Variants in VPS13A observed in about 807,000 individuals in gnomAD.
The protein encoded by VPS13A is vacuolar protein sorting 13 homolog A.
A neutral mutation model predicts 390.9 loss-of-function variants in VPS13A; 264 were observed. That is an observed-to-expected ratio of 0.68 (90% CI 0.61 to 0.75). The LOEUF (loss-of-function observed/expected upper bound fraction) is 0.75. Ranked by LOEUF, VPS13A falls within the 30% of genes least tolerant of loss-of-function variation. The pLI is 0.00. For missense variants in VPS13A, 3,409 were observed against 3,733.9 expected (o/e 0.91, Z 2.27); for synonymous variants, 1,231 against 1,227.1 (o/e 1.00, Z -0.07).
At chr9:77,392,758 T>C (rs1016153253) in intron 68 of VPS13A, among the ~76,000 whole-genome samples, 1 of 149,270 alleles carries the variant, frequency 6.7e-6, no homozygotes, top group African/African-American at 2.5e-5. Flanking sequence ...TATAAAACTA[T>C]ATATAACTAT....
intron 59 of VPS13A, among the ~76,000 whole-genome samples, chr9:77,361,873 G>GT (rs1187927608): frequency 1.3e-5 from 2 of 151,842 alleles, no homozygotes; most frequent in East Asian, 3.9e-4. Flanking sequence ...TGTCATTGTG[G>GT]TTTTGACATG....
intron 54 of VPS13A, 102 bp downstream of exon 54, chr9:77,353,743 T>C (rs1831606188): frequency 8.3e-7 from 1 of 1,200,494 alleles, no homozygotes; most frequent in Non-Finnish European, 1.2e-6. Context: ...GTTTTGTGCT[T>C]TGACTATTCA....
At chr9:77,351,633 G>A (rs1417919144) in intron 53 of VPS13A, among the ~76,000 whole-genome samples, 187 bp downstream of exon 53, 1 of 152,154 alleles carries the variant, frequency 6.6e-6, no homozygotes, top group African/African-American at 2.4e-5. Context: ...CACTTTGGGA[G>A]GCCAAGGCAG....
intron 1 of VPS13A, among the ~76,000 whole-genome samples, chr9:77,192,520 T>C (rs993109504): frequency 6.6e-6 from 1 of 152,228 alleles, no homozygotes; most frequent in African/African-American, 2.4e-5. Flanking sequence ...TAAGGACCTC[T>C]TAAAAGGCAA....
intron 3 of VPS13A, among the ~76,000 whole-genome samples, chr9:77,202,680 C>T (rs1564626721): frequency 6.6e-6 from 1 of 152,092 alleles, no homozygotes; most frequent in East Asian, 1.9e-4. Flanking sequence ...CAAGAACAGT[C>T]AAAAAATATA....
At chr9:77,386,637 G>A (rs1833695258) in intron 68 of VPS13A, among the ~76,000 whole-genome samples, 1 of 151,446 alleles carries the variant, frequency 6.6e-6, no homozygotes, top group African/African-American at 2.4e-5. Flanking sequence ...AACATTGCTT[G>A]TGTGGTCTTA....
intron 6 of VPS13A, 75 bp downstream of exon 6, chr9:77,209,607 T>C: frequency 1.1e-6 from 1 of 894,930 alleles, no homozygotes; most frequent in African/African-American, 1.7e-5. Flanking sequence ...ACACCTACTT[T>C]TTAATGGCCA....
rs564734609 is a variant in VPS13A, at chr9:77,329,150, A to G, written c.5992-2860A>G. Among the ~76,000 whole-genome samples, 8 of 152,330 alleles carry G rather than the reference A, an allele frequency of 5.3e-5. No individual in the cohort carries two copies. The South Asian group carries it at 1.7e-3, about 32-fold the overall frequency. Reference sequence around the variant, plus strand: ...TGGGGATTGTGGGGATTACAATTCAAGATGAGATTTGGGTGGGGGACCTAG... The same window carrying G: ...TGGGGATTGTGGGGATTACAATTCAGGATGAGATTTGGGTGGGGGACCTAG... On this transcript the variant is annotated intron_variant, in intron 45 of 71. Coordinates refer to ENST00000360280, the MANE Select transcript of VPS13A (RefSeq NM_033305.3).
At chr9:77,389,794 C>T (rs999611917) in intron 68 of VPS13A, 1 of 151,972 alleles carries the variant, frequency 6.6e-6, no homozygotes, top group Non-Finnish European at 1.5e-5. Context: ...AGTTGTTGTC[C>T]TGTGGGTGTA....
rs2131450458 is a variant in VPS13A at position 77,321,730 on chromosome 9, C to T, written c.5814C>T (p.Leu1938=). 3 of 1,613,140 alleles carry T rather than the reference C, an allele frequency of 1.9e-6. No individual in the cohort carries two copies. The highest frequency in any genetic ancestry group is 2.5e-6 in the Non-Finnish European group (3 of 1,179,402). ...CAATGACCAGCCTAAGCAGCAAACT[C>T]TTCTTCATTCTTCTTAGTAAGTAGT... ...FNAMTSLSSK[L]FFILLTPVNH... is the part of the protein sequence containing the mutation. Residue 1938 remains leucine (L), a synonymous_variant, in exon 44 of 72, where the codon CTC becomes CTT. Transcript: ENST00000360280.
At chr9:77,278,040 G>A (rs1034088250) in intron 26 of VPS13A, among the ~76,000 whole-genome samples, 5 of 151,948 alleles carry the variant, frequency 3.3e-5, no homozygotes, top group African/African-American at 1.2e-4. Context: ...CTTTATAGCA[G>A]TTACTAAGTT....
At chr9:77,412,750 G>A (rs1237014978) in intron 71 of VPS13A, among the ~76,000 whole-genome samples, 3 of 152,140 alleles carry the variant, frequency 2.0e-5, no homozygotes, top group Non-Finnish European at 4.4e-5. Flanking sequence ...TCTGGCCAGG[G>A]CAATCAGGCA....
chr9:77,316,252 C>T lies in VPS13A; in HGVS notation c.4709C>T (p.Thr1570Ile). The T allele has an allele frequency of 1.2e-6, 2 of 1,613,038 alleles. No homozygotes were observed. The highest frequency in any genetic ancestry group is 1.7e-6 in the Non-Finnish European group (2 of 1,179,346). ...NPEIVFVADM[T>I]KNDAPALVIT... ...GAAATTGTGTTTGTAGCTGACATGACAAAAAATGATGCTCCTGCTTTAGTC... is the reference window on the plus strand; with the variant it reads ...GAAATTGTGTTTGTAGCTGACATGATAAAAAATGATGCTCCTGCTTTAGTC... The change falls in exon 39 of 72, where the codon ACA becomes ATA. Residue 1570 changes from threonine to isoleucine, a missense_variant. By Grantham distance (89) the Thr-to-Ile change is moderately conservative. This residue lies in a region of VPS13A where 2,717 missense variants were observed against 2,917.4 expected (regional missense o/e 0.93). Coordinates refer to ENST00000360280, the MANE Select transcript of VPS13A (RefSeq NM_033305.3).
rs760740203 is a variant in VPS13A, at chr9:77,339,653, G to A, written c.6516G>A (p.Lys2172=). ...NHDWKSEYHI[K]PNQQDISFVS... ...ATTGGAAAAGTGAATATCACATAAA[G>A]CCTAATCAGCAAGACATTAGTTTTG... is the stretch of plus-strand genomic sequence containing the variant. The change falls in exon 48 of 72, where the codon AAG becomes AAA. Residue 2172 remains lysine (K), a synonymous_variant. Transcript: ENST00000360280. The A allele has an allele frequency of 4.3e-6, 7 of 1,613,894 alleles. No individual in the cohort carries two copies. In the East Asian group the frequency reaches 8.9e-5, roughly 21 times the overall value.
chr9:77,260,557 G>A (rs942418476), intron 23 of VPS13A, among the ~76,000 whole-genome samples: 3 of 151,200 alleles, frequency 2.0e-5, no homozygotes, highest in African/African-American at 2.4e-5. Flanking sequence ...GGGTTTCACC[G>A]TGTTAGCCAG....
chr9:77,293,639 T>TTATTATACATAATAAATGTG, intron 32 of VPS13A, 131 bp downstream of exon 32: 1 of 445,928 alleles, frequency 2.2e-6, no homozygotes, highest in Admixed American at 4.1e-5. Context: ...TGGGTACCAT[T>TTATTATACATAATAAATGTG]TATTATACAT....
chr9:77,366,669 G>C, intron 60 of VPS13A, 58 bp from the exon 61 acceptor site: 1 of 1,461,214 alleles, frequency 6.8e-7, no homozygotes, highest in Non-Finnish European at 9.4e-7. Context: ...TTTTTTAAGA[G>C]TTAAAATTGT....
At chr9:77,196,026 A>G (rs377497677) in intron 1 of VPS13A, among the ~76,000 whole-genome samples, 10 of 151,680 alleles carry the variant, frequency 6.6e-5, no homozygotes, top group Non-Finnish European at 1.0e-4. Context: ...GATATTTTCT[A>G]ATTTTTCTTG....
At chr9:77,251,597 A>G (rs540632440) in intron 21 of VPS13A, among the ~76,000 whole-genome samples, 2 of 152,098 alleles carry the variant, frequency 1.3e-5, no homozygotes, top group Non-Finnish European at 2.9e-5. Context: ...CATGATTTAT[A>G]TAGTTTTATA....
Sources: gnomAD v4.1 joint callset for allele counts (sites outside exome capture counted in the v4.1 genomes callset) on GRCh38, gnomAD v4.1.1 for gene constraint, gnomAD v4.1.1 regional missense constraint, MANE v1.5 for transcripts, NCBI Gene and HGNC (gene_info 2026-07-23, HGNC 2026-07-21) for gene names.